The following LRCH2 variants were observed in gnomAD, a reference collection of about 807,000 sequenced individuals.
The protein encoded by LRCH2 is leucine-rich repeat and calponin homology domain-containing protein 2.
Under a neutral mutation model 68.9 loss-of-function variants are expected in LRCH2, and 38 were observed. The ratio of observed to expected loss-of-function variants is 0.55; its 90% CI spans 0.43 to 0.72. LRCH2 has a LOEUF of 0.72. LRCH2 is among the 30% of genes least tolerant of loss of function. The probability of loss-of-function intolerance (pLI) is 0.00; values close to 1 mark genes in which losing one functional copy is unlikely to be tolerated. For synonymous variants in LRCH2, 191 were observed against 208.1 expected, an observed-to-expected ratio of 0.92 and a Z score of 0.71; for missense variants, 528 against 572.9, an observed-to-expected ratio of 0.92 and a Z score of 0.80.
intron 5 of LRCH2, among the ~76,000 whole-genome samples, chrX:115,176,222 T>C (rs1363603823): frequency 8.9e-6 from 1 of 112,448 alleles, no homozygotes; most frequent in Non-Finnish European, 1.9e-5. Flanking sequence ...AGCTCTACTT[T>C]TAATTTTTTG....
intron 11 of LRCH2, among the ~76,000 whole-genome samples, chrX:115,160,299 G>C (rs1012456525): frequency 1.8e-5 from 2 of 111,064 alleles, no homozygotes; most frequent in East Asian, 5.6e-4. Context: ...CTGGGCAACA[G>C]AGTGAGACTC....
intron 1 of LRCH2, among the ~76,000 whole-genome samples, chrX:115,205,953 A>C (rs782797562): frequency 5.5e-3 from 1 of 181 alleles, no homozygotes; most frequent in East Asian, 0.25. Context: ...AAAAAAATGC[A>C]AAAAAAAATG....
intron 1 of LRCH2, chrX:115,191,076 C>G (rs1424300666): frequency 3.4e-6 from 4 of 1,163,957 alleles, no homozygotes; most frequent in Non-Finnish European, 3.4e-6. Context: ...GCCAGAGCCA[C>G]CGCTATGGAG....
intron 1 of LRCH2, among the ~76,000 whole-genome samples, chrX:115,220,617 C>G (rs782410385): frequency 1.7e-4 from 19 of 111,470 alleles, no homozygotes; most frequent in African/African-American, 5.9e-4. Context: ...CAATTCAGAG[C>G]TATACTACCG....
chrX:115,223,532 C>T (rs1008441836), intron 1 of LRCH2, among the ~76,000 whole-genome samples: 2 of 110,385 alleles, frequency 1.8e-5, no homozygotes, highest in Non-Finnish European at 3.8e-5. Flanking sequence ...AGACATTTTG[C>T]TTATGAAAAT....
intron 1 of LRCH2, among the ~76,000 whole-genome samples, chrX:115,221,012 A>G (rs2073075030): frequency 9.4e-6 from 1 of 106,035 alleles, no homozygotes; most frequent in African/African-American, 3.5e-5. Flanking sequence ...TGTCTCTACT[A>G]AAAATACAAA....
At chrX:115,217,412 T>C (rs782816137) in intron 1 of LRCH2, among the ~76,000 whole-genome samples, 2 of 110,619 alleles carry the variant, frequency 1.8e-5, no homozygotes, top group South Asian at 4.0e-4. Flanking sequence ...CAGTGTGTGA[T>C]GTTCCCCTCC....
chrX:115,233,813 C>G lies in LRCH2; in HGVS notation c.229G>C (p.Val77Leu). 8.5e-7 allele frequency: 1 copy of G among 1,171,094 alleles called. No homozygotes were observed. Among genetic ancestry groups the G allele is most frequent in the Non-Finnish European group, 1.1e-6 (1 of 874,725 alleles). The stretch of plus-strand genomic sequence containing the variant: ...TCCAGGGCCCGGTCCAGGCTCCTCA[C>G]GGTGTGCTGAGGCTGCAGGCTCCCC... ...NPGSLQPQHT[V>L]RSLDRALEEA... Residue 77 changes from valine to leucine, a missense_variant, in exon 1 of 21, where the codon GTG (valine) becomes CTG (leucine). Physicochemically the swap from Val to Leu is conservative, Grantham distance 32. Coordinates refer to ENST00000317135, the MANE Select transcript of LRCH2 (RefSeq NM_020871.4).
intron 1 of LRCH2, among the ~76,000 whole-genome samples, chrX:115,218,863 C>T (rs938439540): frequency 6.2e-5 from 7 of 112,221 alleles, no homozygotes; most frequent in Non-Finnish European, 1.1e-4. Context: ...CTGCTTCATT[C>T]TTTCCTTGCT....
chrX:115,115,916 C>T (rs140941853), intron 20 of LRCH2, among the ~76,000 whole-genome samples: 274 of 110,194 alleles, frequency 2.5e-3, no homozygotes, highest in African/African-American at 8.2e-3. Flanking sequence ...CTCCAAAGAA[C>T]ATATACAAAT....
At chrX:115,165,273 T>C (rs1556543962) in intron 10 of LRCH2, 132 bp downstream of exon 10, 3 of 447,411 alleles carry the variant, frequency 6.7e-6, no homozygotes, top group Non-Finnish European at 1.1e-5. Context: ...GAAGTATTTA[T>C]AAATTAACTA....
At chrX:115,173,684 C>T (rs1037849903) in intron 5 of LRCH2, among the ~76,000 whole-genome samples, 14 of 111,343 alleles carry the variant, frequency 1.3e-4, no homozygotes, top group Non-Finnish European at 2.1e-4. Flanking sequence ...AGGTGTACAA[C>T]GTGATGCTTT....
intron 14 of LRCH2, among the ~76,000 whole-genome samples, chrX:115,145,319 C>A (rs782292876): frequency 9.0e-6 from 1 of 111,548 alleles, no homozygotes; most frequent in Non-Finnish European, 1.9e-5. Flanking sequence ...GGACTTAAAT[C>A]TAAGACTTCA....
intron 1 of LRCH2, among the ~76,000 whole-genome samples, chrX:115,228,455 G>C (rs782216845): frequency 4.5e-5 from 5 of 111,594 alleles, no homozygotes; most frequent in Middle Eastern, 4.6e-3. Context: ...ATCTCACAGA[G>C]TGGGCTGCTA....
intron 14 of LRCH2, among the ~76,000 whole-genome samples, chrX:115,131,676 G>A (rs1304050619): frequency 3.6e-5 from 4 of 111,664 alleles, no homozygotes; most frequent in South Asian, 3.8e-4. Context: ...TCGAGGAATC[G>A]CCACACTGTC....
At chrX:115,149,631 T>C (rs2072416099) in intron 14 of LRCH2, among the ~76,000 whole-genome samples, 196 bp downstream of exon 14, 1 of 111,772 alleles carries the variant, frequency 8.9e-6, no homozygotes. Context: ...TTTATATTTA[T>C]CTACTCAATT....
chrX:115,192,534 G>T (rs782010698), intron 1 of LRCH2: 1 of 1,167,998 alleles, frequency 8.6e-7, no homozygotes, highest in Admixed American at 2.6e-5. Context: ...CCATGGAAAC[G>T]GGCAGCCCTC....
intron 12 of LRCH2, among the ~76,000 whole-genome samples, chrX:115,155,754 ATGTGGC>A (rs2147378203): frequency 9.0e-6 from 1 of 111,696 alleles, no homozygotes; most frequent in Admixed American, 9.6e-5. Flanking sequence ...GAAGGGGTAA[ATGTGGC>A]TCAGAGTAAG....
chrX:115,190,657 A>T (rs782298323), intron 1 of LRCH2: 1 of 532,258 alleles, frequency 1.9e-6, no homozygotes. Context: ...GGGCCGCAAC[A>T]GTTCCAGCAA....
Sources: allele counts gnomAD v4.1 joint callset (sites outside exome capture counted in the v4.1 genomes callset), GRCh38; gene constraint gnomAD v4.1.1; transcripts MANE v1.5; gene names NCBI Gene and HGNC (gene_info 2026-07-23, HGNC 2026-07-21).